Variants in HS1BP3 observed in about 807,000 individuals in gnomAD.
HS1BP3 encodes the protein HCLS1-binding protein 3.
Under a neutral mutation model 33.5 loss-of-function variants are expected in HS1BP3, and 32 were observed. The ratio of observed to expected loss-of-function variants is 0.95; its 90% CI spans 0.72 to 1.28. The LOEUF (loss-of-function observed/expected upper bound fraction) is 1.28. HS1BP3 is among the 50% of genes most tolerant of loss of function. The probability of loss-of-function intolerance (pLI) is 0.00; values close to 1 mark genes in which losing one functional copy is unlikely to be tolerated. For missense variants in HS1BP3, 486 were observed against 502.3 expected (o/e 0.97, Z 0.31); for synonymous variants, 187 against 209.2 (o/e 0.89, Z 0.92).
downstream of HS1BP3, among the ~76,000 whole-genome samples, chr2:20,557,092 A>C (rs892911804): frequency 5.3e-5 from 8 of 152,220 alleles, no homozygotes; most frequent in African/African-American, 1.9e-4. Flanking sequence ...TAGTTTGCCT[A>C]GTTGTAGAAT....
At chr2:20,642,351 C>G (rs1420540312) in intron 2 of HS1BP3, among the ~76,000 whole-genome samples, 1 of 64,390 alleles carries the variant, frequency 1.6e-5, no homozygotes, top group Non-Finnish European at 3.2e-5. Context: ...GTCAAGATAC[C>G]AGGAGGCAGC....
At chr2:20,646,827 G>C (rs1079236) in intron 1 of HS1BP3, among the ~76,000 whole-genome samples, 15,968 of 152,258 alleles carry the variant, frequency 0.1, 827 homozygotes, top group Admixed American at 0.13. Flanking sequence ...GGATGCACCT[G>C]TGTGAAGTCA....
intron 3 of HS1BP3, 148 bp from the exon 4 acceptor site, chr2:20,638,800 A>G (rs7596314): frequency 1 from 628,045 of 628,978 alleles, 313,560 homozygotes; most frequent in South Asian, 1. Context: ...CCTGGGACCT[A>G]AGCAGGATGG....
chr2:20,622,741 TATTTC>T (rs1274489316), intron 6 of HS1BP3: 1 of 174,878 alleles, frequency 5.7e-6, no homozygotes, highest in Non-Finnish European at 1.3e-5. Flanking sequence ...CAGACTCTAG[TATTTC>T]ATTTCCCTGT....
intron 4 of HS1BP3, chr2:20,638,073 C>T (rs962602687): frequency 1.9e-5 from 8 of 430,486 alleles, no homozygotes; most frequent in African/African-American, 2.0e-5. Flanking sequence ...GCCACCTCTG[C>T]GAGTCCCACA....
chr2:20,625,693 G>A (rs530351392), intron 4 of HS1BP3, among the ~76,000 whole-genome samples: 17 of 152,172 alleles, frequency 1.1e-4, no homozygotes, highest in Non-Finnish European at 2.2e-4. Flanking sequence ...TGCACTTGCC[G>A]ACTGGCTGAG....
At chr2:20,625,106 T>C (rs1296920888) in intron 4 of HS1BP3, among the ~76,000 whole-genome samples, 1 of 152,116 alleles carries the variant, frequency 6.6e-6, no homozygotes, top group Non-Finnish European at 1.5e-5. Context: ...CTCTAACAGA[T>C]GGTCACACGG....
intron 3 of HS1BP3, 128 bp downstream of exon 3, chr2:20,640,845 C>A (rs755928313): frequency 1.1e-6 from 1 of 896,054 alleles, no homozygotes; most frequent in South Asian, 1.5e-5. Flanking sequence ...AGGCCACCTG[C>A]CTCACCAGCC....
chr2:20,649,892 A>T (rs575679392), intron 1 of HS1BP3, among the ~76,000 whole-genome samples: 1 of 152,352 alleles, frequency 6.6e-6, no homozygotes, highest in South Asian at 2.1e-4. Context: ...CCCCATCCCA[A>T]GCACCCAGCA....
chr2:20,582,046 AG>A (rs149709574), intron 5 of HS1BP3, among the ~76,000 whole-genome samples: 1,983 of 152,314 alleles, frequency 0.013, 45 homozygotes, highest in African/African-American at 0.044. Flanking sequence ...ATTAACTGAA[AG>A]TCAACTGATT....
intron 6 of HS1BP3, among the ~76,000 whole-genome samples, chr2:20,619,969 T>C (rs889744906): frequency 6.6e-6 from 1 of 152,104 alleles, no homozygotes; most frequent in Non-Finnish European, 1.5e-5. Context: ...GACTCTGTCA[T>C]GACCCCAGAC....
intron 3 of HS1BP3, among the ~76,000 whole-genome samples, chr2:20,595,437 T>C (rs1226638190): frequency 6.6e-6 from 1 of 152,094 alleles, no homozygotes; most frequent in Admixed American, 6.5e-5. Context: ...TCACAGTGAC[T>C]CCTGCTCTAA....
chr2:20,602,764 A>G (rs1043671488), intron 2 of HS1BP3, among the ~76,000 whole-genome samples: 6 of 152,250 alleles, frequency 3.9e-5, no homozygotes, highest in African/African-American at 1.4e-4. Flanking sequence ...TTTGTGCTTC[A>G]AAGGCCACTA....
chr2:20,584,463 T>C (rs1484255483), intron 5 of HS1BP3, among the ~76,000 whole-genome samples: 1 of 152,218 alleles, frequency 6.6e-6, no homozygotes, highest in Admixed American at 6.5e-5. Context: ...TGGGGGCCAT[T>C]GTGCACCACT....
At chr2:20,562,502 G>A (rs1398168892) in intron 5 of HS1BP3, among the ~76,000 whole-genome samples, 1 of 152,130 alleles carries the variant, frequency 6.6e-6, no homozygotes, top group Non-Finnish European at 1.5e-5. Flanking sequence ...TAAAATAAAA[G>A]TAAAATATAA....
chr2:20,599,673 C>T (rs1372136148), intron 2 of HS1BP3, among the ~76,000 whole-genome samples: 1 of 147,590 alleles, frequency 6.8e-6, no homozygotes, highest in South Asian at 2.1e-4. Context: ...TTTTAAAGAT[C>T]TGACTTTAAA....
At chr2:20,579,030 G>C (rs910599238) in intron 5 of HS1BP3, among the ~76,000 whole-genome samples, 1 of 152,250 alleles carries the variant, frequency 6.6e-6, no homozygotes, top group Non-Finnish European at 1.5e-5. Flanking sequence ...AGGTTTGGTG[G>C]CCACTGAAGC....
intron 5 of HS1BP3, among the ~76,000 whole-genome samples, chr2:20,569,936 C>T (rs1050952619): frequency 6.6e-6 from 1 of 152,238 alleles, no homozygotes; most frequent in African/African-American, 2.4e-5. Flanking sequence ...GGATCAGGAC[C>T]CTCTGCCTGG....
At chr2:20,615,930 G>A (rs1694414550), downstream of HS1BP3, among the ~76,000 whole-genome samples, 1 of 152,200 alleles carries the variant, frequency 6.6e-6, no homozygotes, top group Non-Finnish European at 1.5e-5. Context: ...ACAGGTAGGT[G>A]CTCTCCAGGG....
Sources: gnomAD v4.1 joint callset for allele counts (sites outside exome capture counted in the v4.1 genomes callset) on GRCh38, gnomAD v4.1.1 for gene constraint, MANE v1.5 for transcripts, NCBI Gene and HGNC (gene_info 2026-07-23, HGNC 2026-07-21) for gene names.